Variants in NAALADL2 observed in about 807,000 individuals in gnomAD.
The protein encoded by NAALADL2 is N-acetylated alpha-linked acidic dipeptidase like 2, also known as inactive N-acetylated-alpha-linked acidic dipeptidase-like protein 2.
Under a neutral mutation model 87.2 loss-of-function variants are expected in NAALADL2, and 76 were observed. The observed-to-expected ratio is 0.87, with a 90% CI of 0.72 to 1.05. NAALADL2 has a LOEUF of 1.05. Among genes scored for constraint, NAALADL2 ranks in the 50% least tolerant of loss-of-function variants. The pLI is 0.00. For missense variants in NAALADL2, 1,089 were observed against 945.8 expected (o/e 1.15, Z -1.99); for synonymous variants, 354 against 331.0 (o/e 1.07, Z -0.75).
intron 3 of NAALADL2, among the ~76,000 whole-genome samples, chr3:174,852,970 CTT>C (rs1725420696): frequency 6.6e-6 from 1 of 151,974 alleles, no homozygotes; most frequent in Non-Finnish European, 1.5e-5. Flanking sequence ...AATACAGTCT[CTT>C]CAATGAATGA....
chr3:175,644,652 A>C (rs1729751701), intron 11 of NAALADL2, among the ~76,000 whole-genome samples: 1 of 150,702 alleles, frequency 6.6e-6, no homozygotes, highest in South Asian at 2.1e-4. Flanking sequence ...ATTTTAAAGT[A>C]AGACATTTTA....
intron 1 of NAALADL2, among the ~76,000 whole-genome samples, chr3:175,069,375 AGAAGACATTTAT>A (rs1347716488): frequency 2.7e-5 from 4 of 150,256 alleles, no homozygotes; most frequent in Non-Finnish European, 5.9e-5. Flanking sequence ...ACTTCTCAAA[AGAAGACATTTAT>A]GCAGCCAAAA....
At chr3:174,972,067 C>A (rs574191152) in intron 1 of NAALADL2, among the ~76,000 whole-genome samples, 6 of 152,090 alleles carry the variant, frequency 3.9e-5, no homozygotes, top group Non-Finnish European at 8.8e-5. Flanking sequence ...CCCATGAACA[C>A]CCTACCTCAT....
At chr3:174,656,921 T>A (rs1010445362) in intron 2 of NAALADL2, among the ~76,000 whole-genome samples, 21 of 152,078 alleles carry the variant, frequency 1.4e-4, no homozygotes, top group African/African-American at 4.8e-4. Context: ...AAGAGTAAGT[T>A]AGGATAAATC....
chr3:175,348,852 G>A (rs977419073), intron 5 of NAALADL2, among the ~76,000 whole-genome samples: 2 of 152,082 alleles, frequency 1.3e-5, no homozygotes, highest in Non-Finnish European at 2.9e-5. Flanking sequence ...AATTCAATCC[G>A]TTATAACGTG....
At chr3:175,619,566 A>T (rs965241470) in intron 10 of NAALADL2, among the ~76,000 whole-genome samples, 2 of 152,198 alleles carry the variant, frequency 1.3e-5, no homozygotes, top group Non-Finnish European at 1.5e-5. Flanking sequence ...AACAAGGGAA[A>T]GAAAACTCTC....
In NAALADL2 at chr3:175,163,121, G is replaced by A. The variant is rs13084136; in HGVS notation, c.545+65830G>A. ...GTCTGTACTTAGTTCAAAGAGGCAA[G>A]CAAAAATTTTGTGTTATGCTTAAAG... On this transcript the variant is annotated intron_variant, in intron 2 of 13. Coordinates refer to ENST00000454872, the MANE Select transcript of NAALADL2 (RefSeq NM_207015.3). Among the ~76,000 whole-genome samples, 1,153 of 152,136 alleles carry A rather than the reference G, an allele frequency of 7.6e-3. 2 individuals carry two copies. The highest frequency in any genetic ancestry group is 0.022 in the South Asian group (108 of 4,824).
intron 1 of NAALADL2, among the ~76,000 whole-genome samples, chr3:174,451,872 T>TC (rs1715511936): frequency 1.6e-5 from 2 of 124,038 alleles, no homozygotes. Context: ...TTTTTTTTTT[T>TC]GAGTCTGTCA....
At chr3:175,219,127 G>A (rs1431187502) in intron 2 of NAALADL2, among the ~76,000 whole-genome samples, 1 of 151,894 alleles carries the variant, frequency 6.6e-6, no homozygotes, top group East Asian at 1.9e-4. Flanking sequence ...ACATATATAT[G>A]CATTTTTGTT....
intron 2 of NAALADL2, among the ~76,000 whole-genome samples, chr3:174,722,957 C>A (rs898877463): frequency 6.6e-6 from 1 of 152,082 alleles, no homozygotes; most frequent in Non-Finnish European, 1.5e-5. Flanking sequence ...ATCTTTTTTA[C>A]ATTATTAATT....
At chr3:174,467,636 C>T (rs1339419400) in intron 1 of NAALADL2, among the ~76,000 whole-genome samples, 7 of 120,996 alleles carry the variant, frequency 5.8e-5, no homozygotes, top group Non-Finnish European at 1.1e-4. Flanking sequence ...ACCTGAATAA[C>T]GACTAAGAAT....
At chr3:175,090,468 G>A (rs1719881879) in intron 1 of NAALADL2, among the ~76,000 whole-genome samples, 1 of 151,892 alleles carries the variant, frequency 6.6e-6, no homozygotes, top group African/African-American at 2.4e-5. Flanking sequence ...TTGCACACAG[G>A]GCCCCAAAGG....
chr3:175,577,609 A>T (rs545004956), intron 10 of NAALADL2, among the ~76,000 whole-genome samples: 2 of 152,290 alleles, frequency 1.3e-5, no homozygotes, highest in East Asian at 3.9e-4. Flanking sequence ...AGTCTGAAGG[A>T]TCCAATCGTT....
chr3:174,756,785 A>G (rs979354277), intron 3 of NAALADL2, among the ~76,000 whole-genome samples: 4 of 152,106 alleles, frequency 2.6e-5, no homozygotes, highest in Admixed American at 2.6e-4. Flanking sequence ...ACAGTGACCT[A>G]TTTGTTCTCA....
rs12107284 is a variant in NAALADL2, at chr3:175,356,609, T to A, written c.1090+32284T>A. Among the ~76,000 whole-genome samples, 87 of 132,896 alleles carry A rather than the reference T, an allele frequency of 6.5e-4. 2 individuals carry two copies. In the South Asian group the frequency reaches 9.7e-3, roughly 15 times the overall value. 87.2% of individuals were successfully genotyped at this position (132,896 alleles called of 152,430 possible). ...ATAATAATAATAATAATAATAATAATAAAGAAATAAAAGAAAATACCATTG... is the reference window on the plus strand; with the variant it reads ...ATAATAATAATAATAATAATAATAAAAAAGAAATAAAAGAAAATACCATTG... On this transcript the variant is annotated intron_variant, in intron 5 of 13. Coordinates refer to ENST00000454872, the MANE Select transcript of NAALADL2 (RefSeq NM_207015.3).
At chr3:175,129,496 C>A (rs909403141) in intron 2 of NAALADL2, among the ~76,000 whole-genome samples, 1 of 152,176 alleles carries the variant, frequency 6.6e-6, no homozygotes, top group Non-Finnish European at 1.5e-5. Flanking sequence ...CAGTCCTTGG[C>A]AATGACCATT....
At chr3:175,663,160 T>A (rs1732498155) in intron 11 of NAALADL2, among the ~76,000 whole-genome samples, 1 of 151,646 alleles carries the variant, frequency 6.6e-6, no homozygotes, top group African/African-American at 2.4e-5. Context: ...TATTTTATTT[T>A]ATTTTATTTT....
At chr3:175,436,462 C>T (rs1303786738) in intron 5 of NAALADL2, among the ~76,000 whole-genome samples, 11 of 145,130 alleles carry the variant, frequency 7.6e-5, no homozygotes, top group African/African-American at 2.9e-4. Flanking sequence ...TTTACAGTCC[C>T]ATCAACAGTG....
At chr3:175,108,705 C>T (rs1238807821) in intron 2 of NAALADL2, among the ~76,000 whole-genome samples, 2 of 151,918 alleles carry the variant, frequency 1.3e-5, no homozygotes, top group Non-Finnish European at 2.9e-5. Flanking sequence ...TGATGAAACA[C>T]ATCAGATATT....
Sources: allele counts gnomAD v4.1 joint callset (sites outside exome capture counted in the v4.1 genomes callset), GRCh38; gene constraint gnomAD v4.1.1; transcripts MANE v1.5; gene names NCBI Gene and HGNC (gene_info 2026-07-23, HGNC 2026-07-21).